FGF14: variants seen among roughly 807,000 people sequenced by gnomAD.
FGF14 encodes the protein fibroblast growth factor 14, also known as fibroblast growth factor homologous factor 4.
Under a neutral mutation model 25.5 loss-of-function variants are expected in FGF14, and 5 were observed. The observed-to-expected ratio is 0.20, with a 90% CI of 0.10 to 0.41. The LOEUF (loss-of-function observed/expected upper bound fraction) is 0.41, where lower values mean the gene tolerates loss of function less well. Ranked by LOEUF, FGF14 falls within the 10% of genes least tolerant of loss-of-function variation. The pLI, the probability that FGF14 is intolerant of heterozygous loss-of-function variation, is 1.00. For missense variants in FGF14, 222 were observed against 320.1 expected, an observed-to-expected ratio of 0.69 and a Z score of 2.34; for synonymous variants, 138 against 118.3, an observed-to-expected ratio of 1.17 and a Z score of -1.08.
At chr13:101,756,727 C>T (rs1173439021) in intron 3 of FGF14, among the ~76,000 whole-genome samples, 1 of 152,046 alleles carries the variant, frequency 6.6e-6, no homozygotes, top group Non-Finnish European at 1.5e-5. Context: ...AGCAAGACTC[C>T]TTCCTCCACC....
At chr13:102,124,203 T>C (rs2045854000) in intron 1 of FGF14, among the ~76,000 whole-genome samples, 2 of 152,134 alleles carry the variant, frequency 1.3e-5, no homozygotes, top group South Asian at 2.1e-4. Flanking sequence ...ATTAAAAAGC[T>C]GTCCCACTTG....
At chr13:101,776,253 C>A (rs773510883) in intron 3 of FGF14, among the ~76,000 whole-genome samples, 1 of 152,032 alleles carries the variant, frequency 6.6e-6, no homozygotes, top group East Asian at 1.9e-4. Context: ...TCAGCCAGAA[C>A]GTGAAGCTAT....
At chr13:102,044,952 G>A (rs2041915139) in intron 1 of FGF14, among the ~76,000 whole-genome samples, 1 of 152,090 alleles carries the variant, frequency 6.6e-6, no homozygotes, top group Admixed American at 6.6e-5. Context: ...GCAAATAGAG[G>A]TGTCTACTCA....
intron 3 of FGF14, among the ~76,000 whole-genome samples, chr13:101,812,008 G>A (rs1057018605): frequency 5.3e-5 from 8 of 152,142 alleles, no homozygotes; most frequent in Admixed American, 3.3e-4. Context: ...GAAGGATGAT[G>A]TGAAAAAGAC....
chr13:102,284,629 A>G (rs906442225), intron 1 of FGF14, among the ~76,000 whole-genome samples: 1 of 152,176 alleles, frequency 6.6e-6, no homozygotes, highest in Non-Finnish European at 1.5e-5. Flanking sequence ...TAGATTAAAT[A>G]CAATTCTATG....
intron 1 of FGF14, among the ~76,000 whole-genome samples, chr13:102,015,313 T>G (rs2040281953): frequency 6.6e-6 from 1 of 151,044 alleles, no homozygotes; most frequent in Non-Finnish European, 1.5e-5. Flanking sequence ...TCTGCTTTCG[T>G]ATCACCAAAG....
intron 1 of FGF14, among the ~76,000 whole-genome samples, chr13:101,949,066 CTGGG>C (rs892104588): frequency 2.0e-5 from 3 of 152,068 alleles, no homozygotes; most frequent in Non-Finnish European, 4.4e-5. Context: ...GCAACAGGAA[CTGGG>C]TGATGAACTA....
At chr13:102,130,092 A>C (rs1056927573) in intron 1 of FGF14, among the ~76,000 whole-genome samples, 2 of 152,238 alleles carry the variant, frequency 1.3e-5, no homozygotes, top group Non-Finnish European at 2.9e-5. Flanking sequence ...CTAGGAACTC[A>C]GTAGTTGTTG....
At chr13:101,816,565 T>G (rs2041859912) in intron 3 of FGF14, among the ~76,000 whole-genome samples, 2 of 152,004 alleles carry the variant, frequency 1.3e-5, no homozygotes, top group Admixed American at 1.3e-4. Flanking sequence ...TCTGAAAAAA[T>G]TATACATCTT....
chr13:101,906,604 C>T (rs1000156455), intron 1 of FGF14, among the ~76,000 whole-genome samples: 14 of 152,152 alleles, frequency 9.2e-5, no homozygotes, highest in African/African-American at 2.9e-4. Context: ...AGAAAAGACA[C>T]TGCATTCATG....
At chr13:101,914,907 A>G (rs1026642594) in intron 1 of FGF14, among the ~76,000 whole-genome samples, 1 of 152,200 alleles carries the variant, frequency 6.6e-6, no homozygotes, top group Non-Finnish European at 1.5e-5. Context: ...GTCATAATAG[A>G]TTGATCCTCC....
At chr13:102,019,416 C>T (rs1360601413) in intron 1 of FGF14, among the ~76,000 whole-genome samples, 2 of 152,112 alleles carry the variant, frequency 1.3e-5, no homozygotes, top group Non-Finnish European at 1.5e-5. Flanking sequence ...CTGAGTGCCC[C>T]GCTCGAGAGC....
At chr13:102,267,359 C>T (rs1431070447) in intron 1 of FGF14, among the ~76,000 whole-genome samples, 3 of 152,144 alleles carry the variant, frequency 2.0e-5, no homozygotes, top group Non-Finnish European at 2.9e-5. Flanking sequence ...GCATTTCAGA[C>T]ATCAACTTCC....
In FGF14 at chr13:101,721,716, C is replaced by T. The variant is rs1442468745; in HGVS notation, c.*1115G>A. On this transcript the variant is annotated 3_prime_UTR_variant, in exon 5 of 5. Coordinates refer to ENST00000376143, the MANE Select transcript of FGF14 (RefSeq NM_004115.4). ...CTGCAGGAAAGAACACAACAGCCGT[C>T]TTGCCCATGCTCTGCTGAGTATGAG... 1 of 152,138 alleles carries T rather than the reference C, an allele frequency of 6.6e-6. No individual in the cohort carries two copies. The highest frequency in any genetic ancestry group is 1.5e-5 in the Non-Finnish European group (1 of 68,020). The allele number at this position is 152,138 out of a possible 1,614,324, so 9.4% of individuals were successfully genotyped here. A position where few individuals can be genotyped will look rare whatever the true frequency, so the allele number is the denominator to read the frequency against.
At position 101,726,810 on chromosome 13, in the gene FGF14, C is replaced by T. The variant is rs2035467523; in HGVS notation, c.409G>A (p.Glu137Lys). Reference sequence around the variant, plus strand: ...AACTTGCATTCAGGGGTAAAAAGTTCCTGTGGAGAGAAAATGAAACAAAAG... The same window carrying T: ...AACTTGCATTCAGGGGTAAAAAGTTTCTGTGGAGAGAAAATGAAACAAAAG... ...MNGEGYLYPS[E>K]LFTPECKFKE... The change falls in exon 4 of 5, where the codon GAA becomes AAA. Residue 137 changes from glutamate (E) to lysine (K), a missense_variant and splice_region_variant. By Grantham distance (56) the Glu-to-Lys change is moderately conservative (BLOSUM62 1). This residue lies in a region of FGF14 where 15 missense variants were observed against 55.7 expected (regional missense o/e 0.27). Transcript: ENST00000376143. The T allele has an allele frequency of 1.2e-6, 2 of 1,604,334 alleles. No homozygotes were observed. Among genetic ancestry groups the T allele is most frequent in the South Asian group, 2.2e-5 (2 of 90,802 alleles).
At chr13:101,723,704 A>G (rs2035159045) in intron 4 of FGF14, among the ~76,000 whole-genome samples, 1 of 152,082 alleles carries the variant, frequency 6.6e-6, no homozygotes, top group Non-Finnish European at 1.5e-5. Context: ...CTACCTGAAT[A>G]AACTCTGAGG....
At position 102,304,143 on chromosome 13, in the gene FGF14, C is replaced by T. The variant is rs143192211; in HGVS notation, c.208+97328G>A. On this transcript the variant is annotated intron_variant, in intron 1 of 4. Coordinates refer to the FGF14 transcript ENST00000376131. ...ATGCACAAACAAGAAAAATCTATTA[C>T]ATTATTTTCTCTAATGATAAATAGC... Among the ~76,000 whole-genome samples, 650 of 152,116 alleles carry T rather than the reference C, an allele frequency of 4.3e-3. 4 individuals carry two copies. The highest frequency in any genetic ancestry group is 5.9e-3 in the Non-Finnish European group (401 of 67,986).
At chr13:101,810,463 C>A (rs1254494272) in intron 3 of FGF14, among the ~76,000 whole-genome samples, 1 of 152,186 alleles carries the variant, frequency 6.6e-6, no homozygotes, top group Non-Finnish European at 1.5e-5. Context: ...CTATTTGATG[C>A]ATTAGATGAA....
At chr13:101,906,086 C>A (rs1384541877) in intron 1 of FGF14, among the ~76,000 whole-genome samples, 59 of 152,154 alleles carry the variant, frequency 3.9e-4, no homozygotes, top group Admixed American at 3.9e-3. Flanking sequence ...AAGACTGCTT[C>A]TACCTAGCAT....
Sources: gnomAD v4.1 joint callset for allele counts (sites outside exome capture counted in the v4.1 genomes callset) on GRCh38, gnomAD v4.1.1 for gene constraint, gnomAD v4.1.1 regional missense constraint, MANE v1.5 for transcripts, NCBI Gene and HGNC (gene_info 2026-07-23, HGNC 2026-07-21) for gene names.